SEPSECS: variants seen among roughly 807,000 people sequenced by gnomAD.
SEPSECS encodes the protein Sep (O-phosphoserine) tRNA:Sec (selenocysteine) tRNA synthase.
Under a neutral mutation model 52.1 loss-of-function variants are expected in SEPSECS, and 42 were observed. The ratio of observed to expected loss-of-function variants is 0.81; its 90% CI spans 0.63 to 1.04. The LOEUF is 1.04. Ranked by LOEUF, SEPSECS falls within the 50% of genes least tolerant of loss-of-function variation. The pLI, the probability that SEPSECS is intolerant of heterozygous loss-of-function variation, is 0.00. For missense variants in SEPSECS, 590 were observed against 610.6 expected (o/e 0.97, Z 0.36); for synonymous variants, 216 against 211.4 (o/e 1.02, Z -0.19).
intron 8 of SEPSECS, among the ~76,000 whole-genome samples, chr4:25,132,446 GCAAGTC>G (rs1376423877): frequency 2.0e-5 from 3 of 152,074 alleles, no homozygotes; most frequent in Non-Finnish European, 4.4e-5. Flanking sequence ...CAGTTCAAAA[GCAAGTC>G]CATTTAAACA....
Position 25,144,793 on chromosome 4 carries a change from T to G in SEPSECS, c.1007A>C (p.Lys336Thr). The change falls in exon 8 of 11, where the codon AAG (lysine) becomes ACG (threonine). Residue 336 changes from lysine to threonine, a missense_variant. Coordinates refer to ENST00000382103, the MANE Select transcript of SEPSECS (RefSeq NM_016955.4). ...LLSLGSNGYK[K>T]LLKERKEMFS... The stretch of plus-strand genomic sequence containing the variant: ...GCTTACCTTTCTTTCTTTTAGTAGC[T>G]TCTTATAGCCATTTGATCCAAGTGA... The G allele has an allele frequency of 6.2e-7, 1 of 1,611,320 alleles. No individual in the cohort carries two copies. The highest frequency in any genetic ancestry group is 8.5e-7 in the Non-Finnish European group (1 of 1,177,748).
chr4:25,127,231 G>A (rs1553878387), intron 9 of SEPSECS, 33 bp downstream of exon 9: 6 of 1,364,432 alleles, frequency 4.4e-6, no homozygotes, highest in Non-Finnish European at 5.2e-6. Context: ...TGGATCATAA[G>A]TATTTGTTTT....
intron 8 of SEPSECS, 33 bp downstream of exon 8, chr4:25,144,741 G>C (rs1403950977): frequency 2.8e-6 from 4 of 1,445,726 alleles, no homozygotes; most frequent in Non-Finnish European, 3.9e-6. Flanking sequence ...TTCTAGTCAA[G>C]AATGTTATTC....
intron 1 of SEPSECS, 85 bp downstream of exon 1, chr4:25,160,171 C>T: frequency 6.5e-7 from 1 of 1,533,614 alleles, no homozygotes; most frequent in South Asian, 1.2e-5. Flanking sequence ...GAAGAGCTGC[C>T]GGTGAGGCAG....
At chr4:25,143,630 G>A (rs938845826) in intron 8 of SEPSECS, among the ~76,000 whole-genome samples, 1 of 152,018 alleles carries the variant, frequency 6.6e-6, no homozygotes, top group Non-Finnish European at 1.5e-5. Flanking sequence ...CTTAAGAAAT[G>A]TCCTCACAAT....
At chr4:25,124,335 T>A in intron 10 of SEPSECS, 110 bp from the exon 11 acceptor site, 1 of 996,394 alleles carries the variant, frequency 1.0e-6, no homozygotes, top group Non-Finnish European at 1.5e-6. Context: ...ATTACGAAGT[T>A]TAAAACAGCC....
At chr4:25,142,557 A>G (rs899575102) in intron 8 of SEPSECS, among the ~76,000 whole-genome samples, 1 of 152,198 alleles carries the variant, frequency 6.6e-6, no homozygotes, top group African/African-American at 2.4e-5. Context: ...CATGTGGTCA[A>G]TAAATACACA....
chr4:25,133,232 T>C (rs1430414000), intron 8 of SEPSECS, among the ~76,000 whole-genome samples: 1 of 152,222 alleles, frequency 6.6e-6, no homozygotes, highest in African/African-American at 2.4e-5. Flanking sequence ...GTCCTGTTCC[T>C]GTTTATTCTA....
At chr4:25,146,667 G>A (rs1711981777) in intron 6 of SEPSECS, among the ~76,000 whole-genome samples, 1 of 152,140 alleles carries the variant, frequency 6.6e-6, no homozygotes, top group African/African-American at 2.4e-5. Context: ...AACACAGAAA[G>A]CATTTAAAAG....
chr4:25,153,027 A>C (rs1712401609), intron 5 of SEPSECS, among the ~76,000 whole-genome samples: 3 of 151,958 alleles, frequency 2.0e-5, no homozygotes, highest in Admixed American at 6.6e-5. Flanking sequence ...AACTGTAAGT[A>C]GGAATACCAT....
chr4:25,142,687 T>A (rs1711659964), intron 8 of SEPSECS, among the ~76,000 whole-genome samples: 1 of 152,216 alleles, frequency 6.6e-6, no homozygotes, highest in Non-Finnish European at 1.5e-5. Context: ...GACAGCTTGA[T>A]AAGGGTAAAA....
intron 8 of SEPSECS, among the ~76,000 whole-genome samples, chr4:25,130,995 T>C (rs1728583365): frequency 6.6e-6 from 1 of 152,224 alleles, no homozygotes; most frequent in Non-Finnish European, 1.5e-5. Flanking sequence ...CTGTGCTGTA[T>C]TTAACTTAAT....
intron 6 of SEPSECS, among the ~76,000 whole-genome samples, chr4:25,149,198 C>T (rs1343295070): frequency 6.6e-6 from 1 of 152,120 alleles, no homozygotes; most frequent in Admixed American, 6.5e-5. Flanking sequence ...GCTGGGACTA[C>T]AAGTACACAC....
chr4:25,123,688 T>C lies in SEPSECS; in HGVS notation c.*243A>G, dbSNP rs1728228112. 4.9e-5 allele frequency: 25 copies of C among 508,508 alleles called. No individual in the cohort carries two copies. The South Asian group carries it at 5.2e-4, about 10-fold the overall frequency. The allele number at this position is 508,508 out of a possible 1,614,324, so 31.5% of individuals were successfully genotyped here. On this transcript the variant is annotated 3_prime_UTR_variant, in exon 11 of 11. Transcript: ENST00000382103. ...AGTCATGATGCTTAATTGACAGATA[T>C]TCTAACAATTAGAAAAATGCTAATT...
At chr4:25,146,573 TGAGA>T (rs1399520876) in intron 6 of SEPSECS, among the ~76,000 whole-genome samples, 1 of 152,188 alleles carries the variant, frequency 6.6e-6, no homozygotes, top group African/African-American at 2.4e-5. Flanking sequence ...CAAGGCCTCC[TGAGA>T]GAAACAGGAA....
intron 8 of SEPSECS, among the ~76,000 whole-genome samples, chr4:25,137,415 A>G (rs1222348963): frequency 6.6e-6 from 1 of 152,222 alleles, no homozygotes; most frequent in Non-Finnish European, 1.5e-5. Flanking sequence ...GGACACGAAC[A>G]GCCACTTCTC....
At chr4:25,125,852 A>C (rs193100980) in intron 9 of SEPSECS, 68 bp from the exon 10 acceptor site, 3 of 919,578 alleles carry the variant, frequency 3.3e-6, no homozygotes, top group Non-Finnish European at 5.3e-6. Flanking sequence ...AATAATAACA[A>C]TAATAATGAT....
rs1297940566 is a variant in SEPSECS, at chr4:25,120,515, G to A, written c.*3416C>T. 1 of 152,148 alleles carries A rather than the reference G, an allele frequency of 6.6e-6. No homozygotes were observed. Among genetic ancestry groups the A allele is most frequent in the African/African-American group, 2.4e-5 (1 of 41,450 alleles). 9.4% of individuals were successfully genotyped at this position (152,148 alleles called of 1,614,324 possible). A position where few individuals can be genotyped will look rare whatever the true frequency, so the allele number is the denominator to read the frequency against. On this transcript the variant is annotated 3_prime_UTR_variant, in exon 11 of 11. Coordinates refer to ENST00000382103, the MANE Select transcript of SEPSECS (RefSeq NM_016955.4). ...ACCTTTTCTTAAAAAGCTGTTAATA[G>A]CATATTCAATTATTATCAAATTATT...
At chr4:25,125,595 T>C in intron 10 of SEPSECS, 99 bp downstream of exon 10, 1 of 783,002 alleles carries the variant, frequency 1.3e-6, no homozygotes, top group Non-Finnish European at 2.2e-6. Flanking sequence ...GCAGGTATAG[T>C]TCAGGATATA....
Sources: gnomAD v4.1 joint callset for allele counts (sites outside exome capture counted in the v4.1 genomes callset) on GRCh38, gnomAD v4.1.1 for gene constraint, MANE v1.5 for transcripts, NCBI Gene and HGNC (gene_info 2026-07-23, HGNC 2026-07-21) for gene names.